COL28A1: variants seen among roughly 807,000 people sequenced by gnomAD.
The protein encoded by COL28A1 is collagen type XXVIII alpha 1 chain, also known as collagen alpha-1(XXVIII) chain.
In COL28A1, 161 loss-of-function variants were observed where a neutral mutation model predicts 150.2. That is an observed-to-expected ratio of 1.07 (90% CI 0.94 to 1.22). The LOEUF (loss-of-function observed/expected upper bound fraction) is 1.22, where lower values mean the gene tolerates loss of function less well. COL28A1 is among the 50% of genes most tolerant of loss of function. The probability of loss-of-function intolerance (pLI) is 0.00; values close to 1 mark genes in which losing one functional copy is unlikely to be tolerated. For synonymous variants in COL28A1, 552 were observed against 469.7 expected, an observed-to-expected ratio of 1.18 and a Z score of -2.26; for missense variants, 1,617 against 1,388.3, an observed-to-expected ratio of 1.16 and a Z score of -2.62.
In COL28A1 at chr7:7,507,250, G is replaced by A. The variant is rs146297757; in HGVS notation, c.928-89C>T. 4.2e-4 allele frequency: 293 copies of A among 698,860 alleles called. 1 individual carries two copies. The highest frequency in any genetic ancestry group is 4.0e-3 in the African/African-American group (222 of 55,412). 43.3% of individuals were successfully genotyped at this position (698,860 alleles called of 1,614,324 possible). ...GTAGGAGGGAAGGAAATGTGTTCTC[G>A]GTAATTGCCATCTTCCCTGGTTATC... On this transcript the variant is annotated intron_variant, in intron 9 of 34. Transcript: ENST00000399429.
chr7:7,493,523 T>C (rs148859788), intron 11 of COL28A1, among the ~76,000 whole-genome samples: 44 of 152,244 alleles, frequency 2.9e-4, no homozygotes, highest in African/African-American at 1.0e-3. Flanking sequence ...TACAGAGGGA[T>C]TGCTCTCCTT....
chr7:7,432,509 C>A lies in COL28A1; in HGVS notation c.1962G>T (p.Pro654=), dbSNP rs115295026. Reference sequence around the variant, plus strand: ...TGTCTCCCACTCCACGTAAACCCATCGGCCCAGGGGGTCCTGGTAATCCAC... The same window carrying A: ...TGTCTCCCACTCCACGTAAACCCATAGGCCCAGGGGGTCCTGGTAATCCAC... The part of the protein sequence containing the change: ...GPRGLPGPPG[P]MGLRGVGDTG... Residue 654 remains proline (P), a synonymous_variant, in exon 25 of 35, where the codon CCG becomes CCT. Coordinates refer to ENST00000399429, the MANE Select transcript of COL28A1 (RefSeq NM_001037763.3). 1.9e-6 allele frequency: 3 copies of A among 1,613,986 alleles called. No homozygotes were observed. In the South Asian group the frequency reaches 3.3e-5, roughly 18 times the overall value.
chr7:7,414,997 G>T (rs1783987312), intron 27 of COL28A1, among the ~76,000 whole-genome samples: 1 of 152,146 alleles, frequency 6.6e-6, no homozygotes, highest in African/African-American at 2.4e-5. Flanking sequence ...TGGCTTATTT[G>T]CCTGACATAG....
At chr7:7,471,942 G>T (rs1331344903) in intron 15 of COL28A1, among the ~76,000 whole-genome samples, 5 of 152,246 alleles carry the variant, frequency 3.3e-5, no homozygotes, top group Admixed American at 1.3e-4. Flanking sequence ...CTCAATAGAT[G>T]CAGAAAGAGC....
rs764577231 is a variant in COL28A1, at chr7:7,373,104, C to T, written c.2802G>A (p.Val934=). ...DTNVEIFVIG[V]VKKNDPNFEI... is the part of the protein sequence containing the mutation. ...CAAAGTTGGGATCATTTTTCTTCAC[C>T]ACCCCTATCACAAATATCTCCACAT... Residue 934 remains valine, a synonymous_variant, in exon 32 of 35, where the codon GTG becomes GTA. Coordinates refer to ENST00000399429, the MANE Select transcript of COL28A1 (RefSeq NM_001037763.3). The surrounding 1 kb of genome is among the most constrained non-coding windows in gnomAD (Gnocchi z 4.1). 3.1e-6 allele frequency: 5 copies of T among 1,613,956 alleles called. No homozygotes were observed. Among genetic ancestry groups the T allele is most frequent in the Admixed American group, 3.3e-5 (2 of 60,000 alleles).
intron 11 of COL28A1, among the ~76,000 whole-genome samples, chr7:7,504,721 C>T (rs1562855784): frequency 6.6e-6 from 1 of 152,182 alleles, no homozygotes; most frequent in Non-Finnish European, 1.5e-5. Context: ...CTTTGTTTCT[C>T]ATTTCCAAAA....
intron 8 of COL28A1, among the ~76,000 whole-genome samples, chr7:7,514,862 C>G (rs1781335012): frequency 6.6e-6 from 1 of 152,128 alleles, no homozygotes; most frequent in African/African-American, 2.4e-5. Context: ...CCCCAACAAA[C>G]AGCTACCATT....
chr7:7,537,690 T>A (rs1782692605), upstream of COL28A1, among the ~76,000 whole-genome samples: 1 of 152,186 alleles, frequency 6.6e-6, no homozygotes, highest in Non-Finnish European at 1.5e-5. Context: ...CAAAACAGGT[T>A]TCGAGGAACT....
At chr7:7,387,956 G>A (rs937902197) in intron 27 of COL28A1, among the ~76,000 whole-genome samples, 1 of 152,128 alleles carries the variant, frequency 6.6e-6, no homozygotes, top group African/African-American at 2.4e-5. Flanking sequence ...TTGAATTCAG[G>A]AGGCTTCTAC....
chr7:7,522,584 G>T (rs1431466746), intron 4 of COL28A1, among the ~76,000 whole-genome samples: 1 of 152,084 alleles, frequency 6.6e-6, no homozygotes, highest in Non-Finnish European at 1.5e-5. Context: ...TGAAATGGGA[G>T]AAAATTCCAG....
intron 15 of COL28A1, among the ~76,000 whole-genome samples, chr7:7,466,347 G>C (rs1788079583): frequency 6.8e-6 from 1 of 146,474 alleles, no homozygotes; most frequent in South Asian, 2.2e-4. Context: ...CTGGAAGAAA[G>C]GGTTATCAGC....
chr7:7,383,535 T>C (rs1451133669), intron 27 of COL28A1, among the ~76,000 whole-genome samples: 1 of 151,816 alleles, frequency 6.6e-6, no homozygotes, highest in Non-Finnish European at 1.5e-5. Context: ...TGCCTCGGCC[T>C]CCTAAAGTGC....
intron 3 of COL28A1, among the ~76,000 whole-genome samples, chr7:7,526,982 T>C (rs1485831490): frequency 5.3e-5 from 8 of 152,232 alleles, no homozygotes; most frequent in Non-Finnish European, 7.3e-5. Context: ...AATTCAGCTC[T>C]TACTGTGCCT....
intron 21 of COL28A1, among the ~76,000 whole-genome samples, chr7:7,439,615 C>T (rs1168582418): frequency 6.6e-6 from 1 of 152,116 alleles, no homozygotes; most frequent in South Asian, 2.1e-4. Context: ...TTAAAAACAG[C>T]TTTATTTCAA....
At chr7:7,372,533 AT>A (rs1158967928) in intron 32 of COL28A1, among the ~76,000 whole-genome samples, 4 of 152,128 alleles carry the variant, frequency 2.6e-5, no homozygotes, top group Non-Finnish European at 4.4e-5. Flanking sequence ...ATCCCCTCTA[AT>A]TAATCCCAGT....
intron 11 of COL28A1, among the ~76,000 whole-genome samples, chr7:7,493,074 C>A (rs1432396811): frequency 5.0e-5 from 7 of 140,178 alleles, no homozygotes; most frequent in African/African-American, 1.3e-4. Context: ...ATATATATAC[C>A]ATTAAAAATA....
chr7:7,384,010 C>T (rs569523093), intron 27 of COL28A1, among the ~76,000 whole-genome samples: 18 of 152,096 alleles, frequency 1.2e-4, no homozygotes, highest in Non-Finnish European at 1.9e-4. Context: ...TAACCTCTCA[C>T]GGCACATTGG....
At chr7:7,352,290 A>G (rs1025512185), downstream of COL28A1, among the ~76,000 whole-genome samples, 1 of 152,184 alleles carries the variant, frequency 6.6e-6, no homozygotes, top group Non-Finnish European at 1.5e-5. Context: ...CTTCGCTCTT[A>G]AGTAGCTCAA....
At chr7:7,429,500 CGT>C (rs1170181272) in intron 25 of COL28A1, among the ~76,000 whole-genome samples, 8 of 148,546 alleles carry the variant, frequency 5.4e-5, no homozygotes, top group African/African-American at 2.0e-4. Context: ...TGTGTGTATG[CGT>C]GTGTGTTTCC....
Sources: gnomAD v4.1 joint callset for allele counts (sites outside exome capture counted in the v4.1 genomes callset) on GRCh38, gnomAD v4.1.1 for gene constraint, Gnocchi (gnomAD v3.1) non-coding constraint, MANE v1.5 for transcripts, NCBI Gene and HGNC (gene_info 2026-07-23, HGNC 2026-07-21) for gene names.